AKAP19: variants seen among roughly 807,000 people sequenced by gnomAD.
AKAP19 encodes A-kinase anchoring protein 19.
At chr2:190,052,629 A>G in the AKAP19 span, among the ~76,000 whole-genome samples, 2 of 152,210 alleles carry the variant, frequency 1.3e-5, no homozygotes, top group Non-Finnish European at 2.9e-5. Flanking sequence ...CCCAAACCGC[A>G]TAATCAAATT....
At chr2:189,953,508 C>A in the AKAP19 span, among the ~76,000 whole-genome samples, 1 of 151,802 alleles carries the variant, frequency 6.6e-6, no homozygotes, top group Non-Finnish European at 1.5e-5. Flanking sequence ...GTGGTGCATG[C>A]CTGTAATCCC....
the AKAP19 span, among the ~76,000 whole-genome samples, chr2:189,936,484 C>A: frequency 6.6e-5 from 10 of 152,126 alleles, no homozygotes; most frequent in Non-Finnish European, 1.2e-4. Flanking sequence ...GTTCCCAAAT[C>A]ATGACTATTC....
chr2:190,130,312 T>A, the AKAP19 span, among the ~76,000 whole-genome samples: 1 of 152,152 alleles, frequency 6.6e-6, no homozygotes, highest in Non-Finnish European at 1.5e-5. Context: ...CCTGGAAATT[T>A]TCTAATACTG....
chr2:190,029,463 C>T, the AKAP19 span, among the ~76,000 whole-genome samples: 15 of 152,114 alleles, frequency 9.9e-5, no homozygotes, highest in Non-Finnish European at 1.9e-4. Flanking sequence ...AGAAATACCA[C>T]ACAGCCATTA....
the AKAP19 span, among the ~76,000 whole-genome samples, chr2:190,106,388 CT>C: frequency 7.2e-5 from 11 of 152,170 alleles, no homozygotes; most frequent in Non-Finnish European, 1.6e-4. Context: ...TTAAGAAAAT[CT>C]CTTTCCTACA....
the AKAP19 span, among the ~76,000 whole-genome samples, chr2:190,152,997 G>A: frequency 1.3e-5 from 2 of 151,646 alleles, no homozygotes; most frequent in African/African-American, 2.4e-5. Flanking sequence ...CCGGGTTCAC[G>A]CCATTCTCCT....
chr2:190,042,001 G>A, the AKAP19 span, among the ~76,000 whole-genome samples: 1 of 152,104 alleles, frequency 6.6e-6, no homozygotes, highest in Non-Finnish European at 1.5e-5. Context: ...GTCTCTGCCA[G>A]GTTTTGGTAT....
At chr2:189,934,014 A>G in the AKAP19 span, among the ~76,000 whole-genome samples, 1 of 152,156 alleles carries the variant, frequency 6.6e-6, no homozygotes, top group Non-Finnish European at 1.5e-5. Flanking sequence ...CATTTATCAG[A>G]GAAATTTAAT....
chr2:190,126,307 AAAAAAAAAAAAAAAAAAG>A, the AKAP19 span, among the ~76,000 whole-genome samples: 1 of 135,322 alleles, frequency 7.4e-6, no homozygotes, highest in Non-Finnish European at 1.6e-5. Context: ...AAAAAAAAAA[AAAAAAAAAAAAAAAAAAG>A]GTGTATATTT....
At chr2:189,922,846 T>A in the AKAP19 span, among the ~76,000 whole-genome samples, 1 of 152,136 alleles carries the variant, frequency 6.6e-6, no homozygotes, top group Non-Finnish European at 1.5e-5. Context: ...ATGGGGCAAG[T>A]ATGTTTGTTA....
the AKAP19 span, among the ~76,000 whole-genome samples, chr2:189,903,455 G>T: frequency 1.3e-5 from 2 of 151,898 alleles, no homozygotes; most frequent in East Asian, 3.9e-4. Context: ...TTTCATTGTA[G>T]TTTAAGTATA....
chr2:189,987,391 T>C, the AKAP19 span, among the ~76,000 whole-genome samples: 1 of 152,214 alleles, frequency 6.6e-6, no homozygotes, highest in Non-Finnish European at 1.5e-5. Flanking sequence ...CTTTATCAAC[T>C]GCATGAAAAT....
chr2:190,164,695 T>C, the AKAP19 span, among the ~76,000 whole-genome samples: 3 of 152,340 alleles, frequency 2.0e-5, no homozygotes, highest in African/African-American at 7.2e-5. Flanking sequence ...TTTTCAAATA[T>C]ATTTAATCTG....
chr2:190,200,582 G>A, the AKAP19 span: 1 of 181,334 alleles, frequency 5.5e-6, no homozygotes, highest in East Asian at 1.6e-4. Flanking sequence ...CGAGGGAATG[G>A]CACTCAAATC....
chr2:190,040,639 G>A, the AKAP19 span, among the ~76,000 whole-genome samples: 1 of 152,028 alleles, frequency 6.6e-6, no homozygotes, highest in Admixed American at 6.6e-5. Context: ...GTCTTCCAGG[G>A]TTTTTATAGT....
the AKAP19 span, among the ~76,000 whole-genome samples, chr2:189,900,755 C>G: frequency 6.6e-6 from 1 of 152,004 alleles, no homozygotes; most frequent in African/African-American, 2.4e-5. Flanking sequence ...CAAGACAGTT[C>G]CAGATAAAGA....
At chr2:190,202,332 T>C in the AKAP19 span, 2 of 167,060 alleles carry the variant, frequency 1.2e-5, no homozygotes, top group Non-Finnish European at 2.9e-5. Flanking sequence ...ATATGCTGTA[T>C]TGTATGTTAA....
At chr2:190,118,365 A>G in the AKAP19 span, among the ~76,000 whole-genome samples, 1 of 152,060 alleles carries the variant, frequency 6.6e-6, no homozygotes, top group African/African-American at 2.4e-5. Context: ...TAACTCATTT[A>G]ATGAGGCCAG....
chr2:189,999,321 TTTTAAC>T, the AKAP19 span, among the ~76,000 whole-genome samples: 1 of 152,198 alleles, frequency 6.6e-6, no homozygotes, highest in Non-Finnish European at 1.5e-5. Flanking sequence ...ACCTTGTGAT[TTTTAAC>T]TTTAACTTCT....
Sources: allele counts gnomAD v4.1 joint callset (sites outside exome capture counted in the v4.1 genomes callset), GRCh38; gene constraint gnomAD v4.1.1; transcripts MANE v1.5; gene names NCBI Gene and HGNC (gene_info 2026-07-23, HGNC 2026-07-21).